The following NKX3-2 variants were observed in gnomAD, a reference collection of about 807,000 sequenced individuals.
NKX3-2 encodes the protein homeobox protein Nkx-3.2.
Under a neutral mutation model 19.4 loss-of-function variants are expected in NKX3-2, and 13 were observed. That is an observed-to-expected ratio of 0.67 (90% CI 0.44 to 1.07). The LOEUF (loss-of-function observed/expected upper bound fraction) is 1.07, where lower values mean the gene tolerates loss of function less well. Among genes scored for constraint, NKX3-2 ranks in the 50% least tolerant of loss-of-function variants. The probability of loss-of-function intolerance (pLI) is 0.00; values close to 1 mark genes in which losing one functional copy is unlikely to be tolerated. For missense variants in NKX3-2, 562 were observed against 488.2 expected (o/e 1.15, Z -1.42); for synonymous variants, 269 against 230.5 (o/e 1.17, Z -1.51).
chr4:13,544,200 G>A lies in NKX3-2; in HGVS notation c.215C>T (p.Ala72Val), dbSNP rs767875639. 7 of 1,600,358 alleles carry A rather than the reference G, an allele frequency of 4.4e-6. No homozygotes were observed. The South Asian group carries it at 4.4e-5, about 10-fold the overall frequency. Reference sequence around the variant, plus strand: ...AGCTGTTCTGGTACCGGCAGGAGACGCCAGCAGAGAGTCCTCGGCGCCCCC... The same window carrying A: ...AGCTGTTCTGGTACCGGCAGGAGACACCAGCAGAGAGTCCTCGGCGCCCCC... Reference protein sequence around the residue: ...ALGGAEDSLLASPAGTRTAAG... With the variant: ...ALGGAEDSLLVSPAGTRTAAG... The change falls in exon 1 of 2, where the codon GCG (alanine) becomes GTG (valine). Residue 72 changes from alanine (A) to valine (V), a missense_variant. Transcript: ENST00000382438.
At position 13,542,538 on chromosome 4, in the gene NKX3-2, C is replaced by A; in HGVS notation, c.467-10G>T. On this transcript the variant is annotated splice_polypyrimidine_tract_variant and intron_variant, in intron 1 of 1. Transcript: ENST00000382438. This position sits in a 1 kb window ranked among gnomAD's most constrained non-coding sequence, Gnocchi z 6.4. ...CTTGGGCTGCGGTCGCCTGCGGACCCCGGTGGGAACAGAAACAAGAGACTG... is the reference window on the plus strand; with the variant it reads ...CTTGGGCTGCGGTCGCCTGCGGACCACGGTGGGAACAGAAACAAGAGACTG... The A allele has an allele frequency of 6.3e-7, 1 of 1,596,370 alleles. No homozygotes were observed.
In NKX3-2 at chr4:13,543,518, G is replaced by A. The variant is rs1718039819; in HGVS notation, c.466+431C>T. Among the ~76,000 whole-genome samples, 1 of 152,108 alleles carries A rather than the reference G, an allele frequency of 6.6e-6. No homozygotes were observed. Among genetic ancestry groups the A allele is most frequent in the Non-Finnish European group, 1.5e-5 (1 of 68,020 alleles). On this transcript the variant is annotated intron_variant, in intron 1 of 1. Coordinates refer to ENST00000382438, the MANE Select transcript of NKX3-2 (RefSeq NM_001189.4). This position sits in a 1 kb window ranked among gnomAD's most constrained non-coding sequence, Gnocchi z 7.1. ...TCCACCTACTGTGGGGCCCGGCCCT[G>A]GGACCTTGAACTGGCAGGTCTCTGG...
rs573106894 is a variant in NKX3-2, at chr4:13,543,148, C to T, written c.467-620G>A. On this transcript the variant is annotated intron_variant, in intron 1 of 1. Transcript: ENST00000382438. This position sits in a 1 kb window ranked among gnomAD's most constrained non-coding sequence, Gnocchi z 7.1. Reference sequence around the variant, plus strand: ...TAAAGAGGGAGGGTTGCCCCTGCATCGAGTTTTTGGACCCTGATCCCACAC... The same window carrying T: ...TAAAGAGGGAGGGTTGCCCCTGCATTGAGTTTTTGGACCCTGATCCCACAC... Among the ~76,000 whole-genome samples the T allele has an allele frequency of 1.3e-5, 2 of 152,004 alleles. No homozygotes were observed. The highest frequency in any genetic ancestry group is 4.8e-5 in the African/African-American group (2 of 41,402).
Position 13,542,244 on chromosome 4 carries a change from T to C in NKX3-2, c.751A>G (p.Lys251Glu). 1 of 1,611,944 alleles carries C rather than the reference T, an allele frequency of 6.2e-7. No homozygotes were observed. Among genetic ancestry groups the C allele is most frequent in the Admixed American group, 1.7e-5 (1 of 59,872 alleles). ...TAGCGACGGTTCTGGAACCAGATTT[T>C]CACCTGCGTCTCGGTGAGCTTCAGC... ...ASLKLTETQV[K>E]IWFQNRRYKT... is the part of the protein sequence containing the mutation. Residue 251 changes from lysine (K) to glutamate (E), a missense_variant, in exon 2 of 2, where the codon AAA becomes GAA. Physicochemically the swap from Lys to Glu is moderately conservative, Grantham distance 56. Transcript: ENST00000382438. The surrounding 1 kb of genome is among the most constrained non-coding windows in gnomAD (Gnocchi z 6.4).
chr4:13,542,125 C>T lies in NKX3-2; in HGVS notation c.870G>A (p.Gln290=), dbSNP rs1318592013. ...VAVKVLVRDD[Q]RQYLPGEVLR... ...GCACTTCGCCGGGCAGGTATTGTCT[C>T]TGGTCGTCGCGCACCAGCACCTTTA... is the stretch of plus-strand genomic sequence containing the variant. The change falls in exon 2 of 2, where the codon CAG becomes CAA. Residue 290 remains glutamine, a synonymous_variant. Coordinates refer to ENST00000382438, the MANE Select transcript of NKX3-2 (RefSeq NM_001189.4). This position sits in a 1 kb window ranked among gnomAD's most constrained non-coding sequence, Gnocchi z 6.4. 6.2e-7 allele frequency: 1 copy of T among 1,611,476 alleles called. No individual in the cohort carries two copies. The highest frequency in any genetic ancestry group is 1.7e-5 in the Admixed American group (1 of 59,868).
At position 13,543,869 on chromosome 4, in the gene NKX3-2, C is replaced by A. The variant is rs1718048630; in HGVS notation, c.466+80G>T. On this transcript the variant is annotated intron_variant, in intron 1 of 1. Transcript: ENST00000382438. This position sits in a 1 kb window ranked among gnomAD's most constrained non-coding sequence, Gnocchi z 7.1. ...AGCCCCAGGGCGCAGGGTGCTCAAG[C>A]CGACCACCCCACTCGGCGTGGTTGC... is the stretch of plus-strand genomic sequence containing the variant. 1 of 1,298,564 alleles carries A rather than the reference C, an allele frequency of 7.7e-7. No individual in the cohort carries two copies. The highest frequency in any genetic ancestry group is 1.0e-6 in the Non-Finnish European group (1 of 978,178). The allele number at this position is 1,298,564 out of a possible 1,614,324, so 80.4% of individuals were successfully genotyped here. A position where few individuals can be genotyped will look rare whatever the true frequency, so the allele number is the denominator to read the frequency against.
rs1718063554 is a variant in NKX3-2, at chr4:13,544,141, C to A, written c.274G>T (p.Asp92Tyr). The change falls in exon 1 of 2, where the codon GAC (aspartate) becomes TAC (tyrosine). Residue 92 changes from aspartate (D) to tyrosine (Y), a missense_variant. Physicochemically the swap from Asp to Tyr is radical, Grantham distance 160 (BLOSUM62 -3). Transcript: ENST00000382438. ...TCCTCGCTGAGCGCGGAGTCCGAGTCCCAGCCTTCCGGGCTCTCCGCAGTC... is the reference window on the plus strand; with the variant it reads ...TCCTCGCTGAGCGCGGAGTCCGAGTACCAGCCTTCCGGGCTCTCCGCAGTC... ...GRTAESPEGW[D>Y]SDSALSEENE... 6.2e-7 allele frequency: 1 copy of A among 1,605,626 alleles called. No homozygotes were observed. The highest frequency in any genetic ancestry group is 1.3e-5 in the African/African-American group (1 of 74,466).
chr4:13,545,494 A>G (rs1452105800), upstream of NKX3-2, among the ~76,000 whole-genome samples: 2 of 152,176 alleles, frequency 1.3e-5, no homozygotes, highest in East Asian at 3.8e-4. Flanking sequence ...CTTCATTGCT[A>G]ATGCTCTTTG....
At position 13,544,051 on chromosome 4, in the gene NKX3-2, A is replaced by T. The variant is rs758469136; in HGVS notation, c.364T>A (p.Ser122Thr). Reference protein sequence around the residue: ...GASGAGLAGGSLSLGQPVCEL... With the variant: ...GASGAGLAGGTLSLGQPVCEL... Reference sequence around the variant, plus strand: ...CAGACCGGCTGGCCGAGGCTCAAGGATCCCCCCGCAAGGCCGGCCCCGCTG... The same window carrying T: ...CAGACCGGCTGGCCGAGGCTCAAGGTTCCCCCCGCAAGGCCGGCCCCGCTG... The change falls in exon 1 of 2, where the codon TCC becomes ACC. Residue 122 changes from serine (S) to threonine (T), a missense_variant. Coordinates refer to ENST00000382438, the MANE Select transcript of NKX3-2 (RefSeq NM_001189.4). 3.8e-6 allele frequency: 6 copies of T among 1,568,976 alleles called. No homozygotes were observed. The South Asian group carries it at 5.9e-5, about 15-fold the overall frequency.
chr4:13,547,434 G>C, upstream of NKX3-2: 1 of 319,150 alleles, frequency 3.1e-6, no homozygotes, highest in South Asian at 2.4e-5. Context: ...CGGCCCGGCC[G>C]GGCGGCCGGT....
rs780310796 is a variant in NKX3-2, at chr4:13,542,490, G to A, written c.505C>T (p.Pro169Ser). 3 of 1,596,672 alleles carry A rather than the reference G, an allele frequency of 1.9e-6. No individual in the cohort carries two copies. The highest frequency in any genetic ancestry group is 2.5e-6 in the Non-Finnish European group (3 of 1,179,552). The stretch of plus-strand genomic sequence containing the variant: ...AGCGCGGACACGTGTGCACCTCTGG[G>A]GCCAACACCGTCGTCCTCGGTCCTT... The part of the protein sequence containing the change: ...SPRTEDDGVG[P>S]RGAHVSALCS... The change falls in exon 2 of 2, where the codon CCC becomes TCC. Residue 169 changes from proline (P) to serine (S), a missense_variant. Pro to Ser is a moderately conservative substitution (Grantham distance 74). Coordinates refer to ENST00000382438, the MANE Select transcript of NKX3-2 (RefSeq NM_001189.4). The surrounding 1 kb of genome is among the most constrained non-coding windows in gnomAD (Gnocchi z 6.4).
At chr4:13,544,668 C>A (rs3756212), upstream of NKX3-2, 224 of 275,750 alleles carry the variant, frequency 8.1e-4, 2 homozygotes, top group East Asian at 0.014. Flanking sequence ...GCTCTCCTTT[C>A]GCAGCTCAGC....
In NKX3-2 at chr4:13,542,467, C is replaced by A. The variant is rs1362785412; in HGVS notation, c.528G>T (p.Ala176=). The change falls in exon 2 of 2, where the codon GCG becomes GCT. Residue 176 remains alanine (A), a synonymous_variant. Transcript: ENST00000382438. This position sits in a 1 kb window ranked among gnomAD's most constrained non-coding sequence, Gnocchi z 6.4. Reference sequence around the variant, plus strand: ...CCCCGCCGCCGGCCCCGCTGCACAGCGCGGACACGTGTGCACCTCTGGGGC... The same window carrying A: ...CCCCGCCGCCGGCCCCGCTGCACAGAGCGGACACGTGTGCACCTCTGGGGC... ...GVGPRGAHVS[A]LCSGAGGGGG... 4 of 1,595,470 alleles carry A rather than the reference C, an allele frequency of 2.5e-6. No individual in the cohort carries two copies. In the Admixed American group the frequency reaches 5.0e-5, roughly 20 times the overall value.
chr4:13,545,781 G>A (rs1421910445), upstream of NKX3-2, among the ~76,000 whole-genome samples: 1 of 151,940 alleles, frequency 6.6e-6, no homozygotes, highest in Non-Finnish European at 1.5e-5. Flanking sequence ...TCTTACTTGT[G>A]AGTTGAATAA....
At chr4:13,545,875 T>C (rs1239922054), upstream of NKX3-2, among the ~76,000 whole-genome samples, 1 of 152,216 alleles carries the variant, frequency 6.6e-6, no homozygotes, top group African/African-American at 2.4e-5. Flanking sequence ...CACTTTTTGC[T>C]CTTTAAAAAA....
rs10032202 is a variant in NKX3-2, at chr4:13,543,986, C to G, written c.429G>C (p.Ala143=). Residue 143 remains alanine, a synonymous_variant, in exon 1 of 2, where the codon GCG becomes GCC. Transcript: ENST00000382438. This position sits in a 1 kb window ranked among gnomAD's most constrained non-coding sequence, Gnocchi z 7.1. ...CGGACATCTCGCTGTCGCTCCGGCC[C>G]GCGGCTTCCTCCTCTAGGTCTTTGG... The part of the protein sequence containing the change: ...AASKDLEEEA[A]GRSDSEMSAS... The G allele has an allele frequency of 1.9e-6, 3 of 1,563,354 alleles. No homozygotes were observed. In the Admixed American group the frequency reaches 5.5e-5, roughly 28 times the overall value.
upstream of NKX3-2, chr4:13,546,711 C>T (rs1437322766): frequency 2.8e-6 from 1 of 354,550 alleles, no homozygotes; most frequent in Non-Finnish European, 5.6e-6. Flanking sequence ...GGCTGAATCA[C>T]CGAATACTAG....
In NKX3-2 at chr4:13,543,946, G is replaced by T; in HGVS notation, c.466+3C>A. 1 of 1,542,466 alleles carries T rather than the reference G, an allele frequency of 6.5e-7. No homozygotes were observed. The highest frequency in any genetic ancestry group is 1.9e-5 in the Admixed American group (1 of 51,448). ...CCCCCATCCCCGCGAAGCCGCAGCA[G>T]ACCTGAGACGCTGGCGGACATCTCG... On this transcript the variant is annotated splice_donor_region_variant and intron_variant, in intron 1 of 1. Coordinates refer to ENST00000382438, the MANE Select transcript of NKX3-2 (RefSeq NM_001189.4). This position sits in a 1 kb window ranked among gnomAD's most constrained non-coding sequence, Gnocchi z 7.1.
Position 13,542,713 on chromosome 4 carries a change from T to A in NKX3-2, c.467-185A>T, listed in dbSNP as rs118162938. ...TCTTAGACTCTTGCCCCACTGGGTA[T>A]CCCATCTAGGCCTCTTCTGGGGAGG... On this transcript the variant is annotated intron_variant, in intron 1 of 1. Transcript: ENST00000382438. This position sits in a 1 kb window ranked among gnomAD's most constrained non-coding sequence, Gnocchi z 6.4. Among the ~76,000 whole-genome samples the A allele has an allele frequency of 1.1e-4, 17 of 152,228 alleles. 2 individuals are homozygous for A. In the East Asian group the frequency reaches 3.1e-3, roughly 28 times the overall value.
Sources: gnomAD v4.1 joint callset for allele counts (sites outside exome capture counted in the v4.1 genomes callset) on GRCh38, gnomAD v4.1.1 for gene constraint, Gnocchi (gnomAD v3.1) non-coding constraint, MANE v1.5 for transcripts, NCBI Gene and HGNC (gene_info 2026-07-23, HGNC 2026-07-21) for gene names.